GALNT17: variants seen among roughly 807,000 people sequenced by gnomAD.
GALNT17 encodes polypeptide N-acetylgalactosaminyltransferase 17, also known as UDP-GalNAc:polypeptide N-acetylgalactosaminyltransferase-like 3.
In GALNT17, 29 loss-of-function variants were observed where a neutral mutation model predicts 63.7. The ratio of observed to expected loss-of-function variants is 0.46; its 90% CI spans 0.34 to 0.62. GALNT17 has a LOEUF of 0.62. GALNT17 is among the 20% of genes least tolerant of loss of function. GALNT17 has a pLI of 0.01. For missense variants in GALNT17, 603 were observed against 799.6 expected (o/e 0.75, Z 2.97); for synonymous variants, 305 against 318.3 (o/e 0.96, Z 0.45).
At chr7:71,158,526 C>CT (rs765459482) in intron 1 of GALNT17, among the ~76,000 whole-genome samples, 11 of 151,532 alleles carry the variant, frequency 7.3e-5, no homozygotes, top group Non-Finnish European at 1.3e-4. Flanking sequence ...TCCCGAGTAG[C>CT]TGGGATTACA....
At chr7:71,513,353 C>A (rs1022888492) in intron 5 of GALNT17, among the ~76,000 whole-genome samples, 1 of 151,982 alleles carries the variant, frequency 6.6e-6, no homozygotes, top group African/African-American at 2.4e-5. Context: ...CATGGCCAAT[C>A]TTCCCTTGGT....
At chr7:71,507,996 A>G (rs1274306295) in intron 5 of GALNT17, among the ~76,000 whole-genome samples, 1 of 152,218 alleles carries the variant, frequency 6.6e-6, no homozygotes, top group East Asian at 1.9e-4. Context: ...CAAAATATTA[A>G]GTATTTTAAG....
At chr7:71,321,781 C>G (rs1485874917) in intron 1 of GALNT17, among the ~76,000 whole-genome samples, 1 of 151,972 alleles carries the variant, frequency 6.6e-6, no homozygotes, top group Non-Finnish European at 1.5e-5. Context: ...ATCTGCCCAC[C>G]TTGGCCCCCC....
At chr7:71,252,694 A>G (rs1000252733) in intron 1 of GALNT17, among the ~76,000 whole-genome samples, 1 of 152,206 alleles carries the variant, frequency 6.6e-6, no homozygotes, top group Non-Finnish European at 1.5e-5. Context: ...TATGTGTGAA[A>G]GGAAAATACA....
chr7:71,136,822 T>C (rs1787792173), intron 1 of GALNT17, among the ~76,000 whole-genome samples: 1 of 150,228 alleles, frequency 6.7e-6, no homozygotes, highest in Non-Finnish European at 1.5e-5. Context: ...AGTCTCACTC[T>C]GTCACTCAGG....
chr7:71,570,312 T>C (rs1280303563), intron 5 of GALNT17, among the ~76,000 whole-genome samples: 4 of 152,166 alleles, frequency 2.6e-5, no homozygotes, highest in African/African-American at 9.7e-5. Flanking sequence ...CCATTTATGA[T>C]GGATACCTTT....
intron 5 of GALNT17, among the ~76,000 whole-genome samples, chr7:71,566,281 C>G (rs1789345190): frequency 6.6e-6 from 1 of 152,132 alleles, no homozygotes; most frequent in Non-Finnish European, 1.5e-5. Flanking sequence ...ATGCCCAAAG[C>G]CACCGCTTTG....
At chr7:71,264,353 G>A (rs867780405) in intron 1 of GALNT17, among the ~76,000 whole-genome samples, 2 of 152,034 alleles carry the variant, frequency 1.3e-5, no homozygotes, top group Non-Finnish European at 2.9e-5. Context: ...GTCTTATATA[G>A]GCAGATACAT....
intron 1 of GALNT17, among the ~76,000 whole-genome samples, chr7:71,328,339 A>G (rs1368118218): frequency 6.6e-6 from 1 of 152,194 alleles, no homozygotes; most frequent in Non-Finnish European, 1.5e-5. Context: ...GCCTGGTGCC[A>G]AGAAGCCACC....
chr7:71,431,364 C>G (rs1786863501), intron 5 of GALNT17, among the ~76,000 whole-genome samples: 1 of 151,892 alleles, frequency 6.6e-6, no homozygotes, highest in Non-Finnish European at 1.5e-5. Flanking sequence ...GCATGCACCA[C>G]CACAGCTGGC....
intron 2 of GALNT17, among the ~76,000 whole-genome samples, chr7:71,376,030 G>T (rs1301023832): frequency 6.6e-6 from 1 of 151,950 alleles, no homozygotes; most frequent in African/African-American, 2.4e-5. Context: ...AGTGAGCCAA[G>T]ATTGTGCCAC....
At chr7:71,150,330 A>T (rs1209799075) in intron 1 of GALNT17, among the ~76,000 whole-genome samples, 3 of 149,754 alleles carry the variant, frequency 2.0e-5, no homozygotes, top group Non-Finnish European at 4.5e-5. Flanking sequence ...TCACCAGGGA[A>T]TTTTTTTTTT....
intron 1 of GALNT17, among the ~76,000 whole-genome samples, chr7:71,149,055 C>T (rs1788084084): frequency 6.6e-6 from 1 of 151,786 alleles, no homozygotes; most frequent in Non-Finnish European, 1.5e-5. Context: ...GCTGGAACTC[C>T]AGGTACGTGC....
At chr7:71,264,555 A>T (rs1323629740) in intron 1 of GALNT17, among the ~76,000 whole-genome samples, 1 of 152,180 alleles carries the variant, frequency 6.6e-6, no homozygotes, top group African/African-American at 2.4e-5. Flanking sequence ...TATTCATAAT[A>T]GCAAAGGTAT....
intron 1 of GALNT17, among the ~76,000 whole-genome samples, chr7:71,158,490 A>G (rs1194793589): frequency 2.0e-5 from 3 of 147,466 alleles, no homozygotes; most frequent in Non-Finnish European, 4.5e-5. Flanking sequence ...CTCCTCCTGG[A>G]TTCAAGTGAT....
chr7:71,607,168 C>T (rs1178265553), intron 6 of GALNT17, among the ~76,000 whole-genome samples: 1 of 151,814 alleles, frequency 6.6e-6, no homozygotes, highest in African/African-American at 2.4e-5. Flanking sequence ...TGAGACCCTA[C>T]CTAAGAGAAA....
At chr7:71,629,799 T>G (rs563145277) in intron 6 of GALNT17, among the ~76,000 whole-genome samples, 1 of 152,286 alleles carries the variant, frequency 6.6e-6, no homozygotes, top group African/African-American at 2.4e-5. Flanking sequence ...TTTTAAACTT[T>G]TTTATAGAGA....
chr7:71,162,128 C>CCTTA (rs1788358299), intron 1 of GALNT17, among the ~76,000 whole-genome samples: 1 of 115,688 alleles, frequency 8.6e-6, no homozygotes, highest in South Asian at 3.4e-4. Context: ...TCCCTCCCTT[C>CCTTA]CTTCCTTCCT....
At chr7:71,483,001 G>A (rs995543141) in intron 5 of GALNT17, among the ~76,000 whole-genome samples, 2 of 152,286 alleles carry the variant, frequency 1.3e-5, no homozygotes, top group Non-Finnish European at 2.9e-5. Context: ...AGCTTTGCTC[G>A]CCTGCGGGCC....
Sources: allele counts gnomAD v4.1 joint callset (sites outside exome capture counted in the v4.1 genomes callset), GRCh38; gene constraint gnomAD v4.1.1; transcripts MANE v1.5; gene names NCBI Gene and HGNC (gene_info 2026-07-23, HGNC 2026-07-21).